Variants in DACH2 observed in about 807,000 individuals in gnomAD.
DACH2 encodes the protein dachshund homolog 2.
DACH2 carries 17 observed loss-of-function variants against 35.8 expected under a neutral mutation model. That is an observed-to-expected ratio of 0.48 (90% CI 0.33 to 0.71). The LOEUF (loss-of-function observed/expected upper bound fraction) is 0.71. Ranked by LOEUF, DACH2 falls within the 30% of genes least tolerant of loss-of-function variation. The probability of loss-of-function intolerance (pLI) is 0.02; values close to 1 mark genes in which losing one functional copy is unlikely to be tolerated. For synonymous variants in DACH2, 195 were observed against 177.3 expected, an observed-to-expected ratio of 1.10 and a Z score of -0.79; for missense variants, 469 against 472.7, an observed-to-expected ratio of 0.99 and a Z score of 0.07.
intron 3 of DACH2, among the ~76,000 whole-genome samples, chrX:86,571,448 TCC>T (rs2039367805): frequency 1.9e-5 from 2 of 107,754 alleles, no homozygotes; most frequent in African/African-American, 6.8e-5. Context: ...CCCTCCCCGC[TCC>T]CCCCACCCCA....
chrX:86,170,916 G>A (rs765006802), intron 1 of DACH2, among the ~76,000 whole-genome samples: 2 of 111,782 alleles, frequency 1.8e-5, no homozygotes, highest in Non-Finnish European at 3.8e-5. Flanking sequence ...AGAAAGGCAG[G>A]ACAACTTGAA....
At chrX:86,212,218 T>C (rs1249973398) in intron 1 of DACH2, among the ~76,000 whole-genome samples, 1 of 111,921 alleles carries the variant, frequency 8.9e-6, no homozygotes, top group Non-Finnish European at 1.9e-5. Context: ...AGGATTGCAG[T>C]GTTTTCTGCA....
chrX:86,825,884 T>C (rs1161854043), intron 11 of DACH2, among the ~76,000 whole-genome samples: 1 of 111,969 alleles, frequency 8.9e-6, no homozygotes, highest in East Asian at 2.8e-4. Flanking sequence ...GTTACTAACC[T>C]TGAGAAGTCA....
intron 6 of DACH2, among the ~76,000 whole-genome samples, chrX:86,724,809 G>A (rs972057117): frequency 4.0e-4 from 44 of 110,164 alleles, no homozygotes; most frequent in Non-Finnish European, 4.6e-4. Context: ...CTTCCCCCTC[G>A]GAAACACAGA....
In DACH2 at chrX:86,271,178, A is replaced by T. The variant is rs1406905249; in HGVS notation, c.489-105646A>T. Among the ~76,000 whole-genome samples the T allele has an allele frequency of 4.5e-5, 5 of 111,896 alleles. No homozygotes were observed. The East Asian group carries it at 1.4e-3, about 32-fold the overall frequency. On this transcript the variant is annotated intron_variant, in intron 1 of 11. Transcript: ENST00000373125. ...ATTATAGAGAACAAGTGCTACAGGA[A>T]GTCAGAGAAGAGATTGATAAAAGAG...
chrX:86,190,157 C>T (rs760623164), intron 1 of DACH2, among the ~76,000 whole-genome samples: 1 of 106,935 alleles, frequency 9.4e-6, no homozygotes, highest in African/African-American at 3.4e-5. Flanking sequence ...GAGTGAGACT[C>T]CATCTAAAAA....
chrX:86,165,538 G>T (rs1304779260), intron 1 of DACH2, among the ~76,000 whole-genome samples: 1 of 110,621 alleles, frequency 9.0e-6, no homozygotes, highest in Admixed American at 9.6e-5. Flanking sequence ...GGGGTGAGAG[G>T]GTATCTCATT....
chrX:86,507,513 A>G (rs190878223), intron 2 of DACH2, among the ~76,000 whole-genome samples: 37 of 109,472 alleles, frequency 3.4e-4, no homozygotes, highest in Admixed American at 3.3e-3. Flanking sequence ...CAAATTACAC[A>G]GAAGCCTTCC....
chrX:86,700,880 C>T (rs185645066), intron 5 of DACH2, among the ~76,000 whole-genome samples: 2 of 111,134 alleles, frequency 1.8e-5, no homozygotes, highest in East Asian at 5.7e-4. Flanking sequence ...ACAAGAAAAG[C>T]CAGGGACTAA....
chrX:86,279,188 C>A (rs943164331), intron 1 of DACH2, among the ~76,000 whole-genome samples: 12 of 112,150 alleles, frequency 1.1e-4, no homozygotes, highest in African/African-American at 3.9e-4. Flanking sequence ...AGTGCTTGAA[C>A]TCTACTAAAG....
chrX:86,157,800 G>T (rs945125340), intron 1 of DACH2, among the ~76,000 whole-genome samples: 1 of 111,367 alleles, frequency 9.0e-6, no homozygotes, highest in Non-Finnish European at 1.9e-5. Flanking sequence ...TTTACGAACA[G>T]TATTTAGAAA....
intron 7 of DACH2, among the ~76,000 whole-genome samples, chrX:86,778,705 G>T (rs999099846): frequency 5.4e-5 from 6 of 110,935 alleles, no homozygotes; most frequent in African/African-American, 2.0e-4. Flanking sequence ...CTGCTGTCTG[G>T]GTTCAAGCGG....
chrX:86,823,321 T>A (rs1194775297), intron 11 of DACH2, among the ~76,000 whole-genome samples: 1 of 112,444 alleles, frequency 8.9e-6, no homozygotes, highest in East Asian at 2.8e-4. Flanking sequence ...TTTTCATTTA[T>A]AATAGACATG....
chrX:86,560,389 C>T, intron 3 of DACH2, among the ~76,000 whole-genome samples: 1 of 89,659 alleles, frequency 1.1e-5, no homozygotes, highest in Non-Finnish European at 2.1e-5. Context: ...TCCTTCATTT[C>T]AACTTTGGTG....
intron 1 of DACH2, among the ~76,000 whole-genome samples, chrX:86,286,277 G>A (rs771541543): frequency 1.4e-4 from 15 of 107,326 alleles, no homozygotes; most frequent in Non-Finnish European, 2.7e-4. Flanking sequence ...ACAGGCGCCC[G>A]CCACCGCGCC....
chrX:86,422,262 A>T (rs989827562), intron 2 of DACH2, among the ~76,000 whole-genome samples: 2 of 110,987 alleles, frequency 1.8e-5, no homozygotes, highest in Admixed American at 9.6e-5. Flanking sequence ...TTTCTATTTG[A>T]TCTTTTTTTT....
At chrX:86,419,873 G>T (rs2036774271) in intron 2 of DACH2, among the ~76,000 whole-genome samples, 1 of 111,604 alleles carries the variant, frequency 9.0e-6, no homozygotes, top group South Asian at 3.8e-4. Context: ...AGAAAGGGTG[G>T]AATTGTTGGC....
intron 2 of DACH2, among the ~76,000 whole-genome samples, chrX:86,455,216 C>T (rs2037453457): frequency 1.8e-5 from 2 of 110,824 alleles, no homozygotes; most frequent in African/African-American, 6.6e-5. Flanking sequence ...TAGGAGGTGC[C>T]TGGAGACCCA....
intron 1 of DACH2, among the ~76,000 whole-genome samples, chrX:86,289,411 T>C (rs182903004): frequency 0.011 from 1,172 of 107,714 alleles, 9 homozygotes; most frequent in Non-Finnish European, 0.019. Context: ...AGGTTTCTTT[T>C]ATTTATTTAT....
Sources: allele counts gnomAD v4.1 joint callset (sites outside exome capture counted in the v4.1 genomes callset), GRCh38; gene constraint gnomAD v4.1.1; transcripts MANE v1.5; gene names NCBI Gene and HGNC (gene_info 2026-07-23, HGNC 2026-07-21).